The following ASIC2 variants were observed in gnomAD, a reference collection of about 807,000 sequenced individuals.
ASIC2 encodes acid-sensing ion channel 2.
A neutral mutation model predicts 57.3 loss-of-function variants in ASIC2; 25 were observed. The observed-to-expected ratio is 0.44, with a 90% CI of 0.32 to 0.61. The LOEUF is 0.61. ASIC2 is among the 20% of genes least tolerant of loss of function. The pLI is 0.06. For synonymous variants in ASIC2, 319 were observed against 307.5 expected (o/e 1.04, Z -0.39); for missense variants, 641 against 738.1 (o/e 0.87, Z 1.52).
chr17:33,445,816 A>G (rs912351217), intron 1 of ASIC2, among the ~76,000 whole-genome samples: 2 of 144,820 alleles, frequency 1.4e-5, no homozygotes, highest in African/African-American at 5.1e-5. Flanking sequence ...AAAAAAAAAA[A>G]TGGGGATCAG....
At chr17:33,807,203 T>C (rs761277843) in intron 1 of ASIC2, among the ~76,000 whole-genome samples, 3 of 152,140 alleles carry the variant, frequency 2.0e-5, no homozygotes, top group Non-Finnish European at 2.9e-5. Flanking sequence ...AAATCAGTGG[T>C]CGTTTGGGTA....
At chr17:33,976,146 T>C (rs1471820304) in intron 1 of ASIC2, among the ~76,000 whole-genome samples, 1 of 149,758 alleles carries the variant, frequency 6.7e-6, no homozygotes, top group East Asian at 2.0e-4. Context: ...ACAGATGATC[T>C]TGGATCATTT....
intron 1 of ASIC2, among the ~76,000 whole-genome samples, chr17:33,218,644 G>A (rs536338960): frequency 6.6e-6 from 1 of 152,216 alleles, no homozygotes; most frequent in African/African-American, 2.4e-5. Context: ...GGGGGTGGGA[G>A]CAGGAGCATG....
At chr17:33,299,284 G>A (rs16968234) in intron 1 of ASIC2, among the ~76,000 whole-genome samples, 9,710 of 152,238 alleles carry the variant, frequency 0.064, 1,049 homozygotes, top group African/African-American at 0.22. Context: ...ATACCTTTCA[G>A]TCAATGCTAC....
chr17:33,622,673 A>G (rs1295366792), intron 1 of ASIC2, among the ~76,000 whole-genome samples: 1 of 152,216 alleles, frequency 6.6e-6, no homozygotes, highest in East Asian at 1.9e-4. Flanking sequence ...TTCTCATGTT[A>G]TAGGATAGTT....
intron 1 of ASIC2, among the ~76,000 whole-genome samples, chr17:33,821,412 T>C (rs1912742499): frequency 6.6e-6 from 1 of 152,162 alleles, no homozygotes; most frequent in Non-Finnish European, 1.5e-5. Flanking sequence ...TATGCACACC[T>C]CTTGGCCCTT....
chr17:33,782,266 C>G (rs958731829), intron 1 of ASIC2, among the ~76,000 whole-genome samples: 1 of 152,026 alleles, frequency 6.6e-6, no homozygotes, highest in Non-Finnish European at 1.5e-5. Flanking sequence ...ATTTTTTTCC[C>G]CTATAAGCTT....
At chr17:33,561,833 G>A (rs1916082456) in intron 1 of ASIC2, among the ~76,000 whole-genome samples, 2 of 152,346 alleles carry the variant, frequency 1.3e-5, no homozygotes, top group South Asian at 2.1e-4. Flanking sequence ...ATTCCCAGAA[G>A]TGCAGATCAC....
At chr17:33,949,711 G>A (rs1372355002) in intron 1 of ASIC2, among the ~76,000 whole-genome samples, 1 of 152,110 alleles carries the variant, frequency 6.6e-6, no homozygotes, top group Admixed American at 6.5e-5. Context: ...ATGAACCTCA[G>A]TTTCCTCATC....
intron 1 of ASIC2, among the ~76,000 whole-genome samples, chr17:33,671,166 G>T (rs73279058): frequency 5.4e-4 from 82 of 152,092 alleles, no homozygotes; most frequent in Non-Finnish European, 8.7e-4. Context: ...TCAAGTGGAT[G>T]TCCCATTTGC....
At chr17:33,643,850 G>A (rs867846808) in intron 1 of ASIC2, among the ~76,000 whole-genome samples, 1 of 152,184 alleles carries the variant, frequency 6.6e-6, no homozygotes, top group Admixed American at 6.5e-5. Flanking sequence ...CATGGCATTG[G>A]TGATAATGAC....
intron 1 of ASIC2, among the ~76,000 whole-genome samples, chr17:34,108,425 G>C (rs1432619781): frequency 6.6e-6 from 1 of 151,984 alleles, no homozygotes. Context: ...TAAATGTATA[G>C]TTTAATTTCA....
At chr17:33,712,253 G>A (rs1194038906) in intron 1 of ASIC2, among the ~76,000 whole-genome samples, 1 of 152,144 alleles carries the variant, frequency 6.6e-6, no homozygotes, top group Non-Finnish European at 1.5e-5. Flanking sequence ...GGCACATAAT[G>A]TAGAGGCTTG....
At chr17:33,333,474 A>G (rs998667892) in intron 1 of ASIC2, among the ~76,000 whole-genome samples, 2 of 152,220 alleles carry the variant, frequency 1.3e-5, no homozygotes, top group African/African-American at 4.8e-5. Context: ...AAGAGCAAGC[A>G]CCAAATTGTT....
intron 1 of ASIC2, chr17:34,069,384 TTTC>T (rs1312439345): frequency 6.6e-6 from 1 of 151,884 alleles, no homozygotes; most frequent in African/African-American, 2.4e-5. Context: ...TTTTTTTCTC[TTTC>T]TTTTTTTCCT....
At chr17:33,581,840 A>G (rs1251598527) in intron 1 of ASIC2, among the ~76,000 whole-genome samples, 1 of 152,030 alleles carries the variant, frequency 6.6e-6, no homozygotes, top group East Asian at 1.9e-4. Context: ...CTCCTTTGCT[A>G]CTCTGGAGCG....
intron 1 of ASIC2, among the ~76,000 whole-genome samples, chr17:33,483,835 A>G (rs1391935744): frequency 6.6e-6 from 1 of 152,242 alleles, no homozygotes; most frequent in African/African-American, 2.4e-5. Flanking sequence ...ATTACTTTAC[A>G]TGACAAAAGG....
intron 1 of ASIC2, among the ~76,000 whole-genome samples, chr17:33,957,762 G>A (rs577442353): frequency 2.1e-4 from 32 of 152,132 alleles, no homozygotes; most frequent in Admixed American, 1.2e-3. Flanking sequence ...CAAATCTCAC[G>A]TCCTCACATT....
At chr17:33,645,830 A>G (rs1024088151) in intron 1 of ASIC2, among the ~76,000 whole-genome samples, 1 of 152,144 alleles carries the variant, frequency 6.6e-6, no homozygotes, top group African/African-American at 2.4e-5. Flanking sequence ...TTGCAGGGAT[A>G]GTGGAAATGC....
Sources: gnomAD v4.1 joint callset for allele counts (sites outside exome capture counted in the v4.1 genomes callset) on GRCh38, gnomAD v4.1.1 for gene constraint, MANE v1.5 for transcripts, NCBI Gene and HGNC (gene_info 2026-07-23, HGNC 2026-07-21) for gene names.